The following ARHGAP24 variants were observed in gnomAD, a reference collection of about 807,000 sequenced individuals.
The protein encoded by ARHGAP24 is rho GTPase-activating protein 24.
In ARHGAP24, 50 loss-of-function variants were observed where a neutral mutation model predicts 76.4. The ratio of observed to expected loss-of-function variants is 0.65; its 90% confidence interval spans 0.52 to 0.83. The LOEUF (loss-of-function observed/expected upper bound fraction) is 0.83, where lower values mean the gene tolerates loss of function less well. Among genes scored for constraint, ARHGAP24 ranks in the 40% least tolerant of loss-of-function variants. The probability of loss-of-function intolerance (pLI) is 0.00; values close to 1 mark genes in which losing one functional copy is unlikely to be tolerated. For missense variants in ARHGAP24, 930 were observed against 914.2 expected (o/e 1.02, Z -0.22); for synonymous variants, 345 against 323.3 (o/e 1.07, Z -0.72).
intron 2 of ARHGAP24, among the ~76,000 whole-genome samples, chr4:85,705,844 A>G (rs1294574378): frequency 2.0e-5 from 3 of 152,194 alleles, no homozygotes; most frequent in Non-Finnish European, 4.4e-5. Flanking sequence ...TGTAACAGTT[A>G]TAGTGACAAA....
intron 3 of ARHGAP24, among the ~76,000 whole-genome samples, chr4:85,747,510 T>C (rs1469290042): frequency 6.6e-6 from 1 of 152,184 alleles, no homozygotes; most frequent in African/African-American, 2.4e-5. Context: ...GAGACCATCC[T>C]GGCTAACGCG....
At chr4:85,485,396 T>A (rs1194078535) in intron 1 of ARHGAP24, among the ~76,000 whole-genome samples, 1 of 111,224 alleles carries the variant, frequency 9.0e-6, no homozygotes, top group Non-Finnish European at 1.7e-5. Context: ...TATATATATA[T>A]ATATATATAT....
intron 3 of ARHGAP24, among the ~76,000 whole-genome samples, chr4:85,867,646 A>G (rs997679114): frequency 6.6e-6 from 1 of 151,862 alleles, no homozygotes; most frequent in African/African-American, 2.4e-5. Context: ...AATAGTGCCC[A>G]GAAATATCAG....
chr4:85,982,948 G>A (rs1465317721), intron 8 of ARHGAP24, among the ~76,000 whole-genome samples: 1 of 152,044 alleles, frequency 6.6e-6, no homozygotes, highest in Non-Finnish European at 1.5e-5. Context: ...AAACACCAGT[G>A]TGTGTTGTTC....
intron 2 of ARHGAP24, among the ~76,000 whole-genome samples, chr4:85,618,791 C>T (rs911604077): frequency 3.3e-5 from 5 of 152,046 alleles, no homozygotes; most frequent in African/African-American, 1.2e-4. Context: ...TGTGAAATGT[C>T]TATTCAAGTT....
intron 3 of ARHGAP24, among the ~76,000 whole-genome samples, chr4:85,841,065 G>GACCT (rs1730570945): frequency 6.6e-6 from 1 of 152,150 alleles, no homozygotes; most frequent in South Asian, 2.1e-4. Context: ...TTCCATTTTA[G>GACCT]ACCTACCTAT....
At chr4:85,770,961 A>G (rs911331901) in intron 3 of ARHGAP24, among the ~76,000 whole-genome samples, 1 of 152,232 alleles carries the variant, frequency 6.6e-6, no homozygotes, top group African/African-American at 2.4e-5. Context: ...ACTAATGGTT[A>G]CATTGAACAC....
intron 1 of ARHGAP24, among the ~76,000 whole-genome samples, chr4:85,567,238 A>G (rs768210704): frequency 9.9e-5 from 15 of 152,206 alleles, no homozygotes; most frequent in Non-Finnish European, 1.2e-4. Context: ...ATGTGTGAGC[A>G]TGTACCTGTG....
chr4:85,739,490 TC>T (rs1725736487), intron 3 of ARHGAP24, among the ~76,000 whole-genome samples: 1 of 152,328 alleles, frequency 6.6e-6, no homozygotes, highest in African/African-American at 2.4e-5. Context: ...CTGCACTTAA[TC>T]CTTCTAGAAT....
intron 3 of ARHGAP24, among the ~76,000 whole-genome samples, chr4:85,859,631 T>C (rs768892190): frequency 1.3e-5 from 2 of 152,150 alleles, no homozygotes; most frequent in Non-Finnish European, 2.9e-5. Context: ...CCCATGCTAA[T>C]AGCTACTGTT....
chr4:85,648,181 T>C (rs1358800626), intron 2 of ARHGAP24, among the ~76,000 whole-genome samples: 1 of 152,148 alleles, frequency 6.6e-6, no homozygotes, highest in African/African-American at 2.4e-5. Flanking sequence ...TGGAAACTCC[T>C]GATCCTACGC....
chr4:85,950,696 G>A (rs544279023), intron 5 of ARHGAP24, among the ~76,000 whole-genome samples: 1 of 138,468 alleles, frequency 7.2e-6, no homozygotes, highest in Non-Finnish European at 1.5e-5. Flanking sequence ...TTTTTTTTAA[G>A]AGTCTCCCTC....
At chr4:85,502,052 T>C (rs989349907) in intron 1 of ARHGAP24, among the ~76,000 whole-genome samples, 3 of 152,214 alleles carry the variant, frequency 2.0e-5, no homozygotes, top group Non-Finnish European at 2.9e-5. Context: ...GTGATATTTA[T>C]GAGGCCTCTG....
chr4:85,775,130 A>G lies in ARHGAP24; in HGVS notation c.268+53158A>G, dbSNP rs1271744978. On this transcript the variant is annotated intron_variant, in intron 3 of 9. Coordinates refer to ENST00000395184, the MANE Select transcript of ARHGAP24 (RefSeq NM_001025616.3). Reference sequence around the variant, plus strand: ...TCAGACATGGAAAGGGCTATGAAAGAAAATTAAAATGGGGAAATGGGATAG... The same window carrying G: ...TCAGACATGGAAAGGGCTATGAAAGGAAATTAAAATGGGGAAATGGGATAG... Among the ~76,000 whole-genome samples, 3 of 152,206 alleles carry G rather than the reference A, an allele frequency of 2.0e-5. No homozygotes were observed. In the East Asian group the frequency reaches 5.8e-4, roughly 29 times the overall value.
chr4:85,995,078 A>G lies in ARHGAP24; in HGVS notation c.1424A>G (p.His475Arg), dbSNP rs374204184. 2.5e-6 allele frequency: 4 copies of G among 1,613,964 alleles called. No homozygotes were observed. Among genetic ancestry groups the G allele is most frequent in the Admixed American group, 1.7e-5 (1 of 59,992 alleles). Residue 475 changes from histidine (H) to arginine (R), a missense_variant, in exon 9 of 10, where the codon CAC becomes CGC. His to Arg is a conservative substitution (Grantham distance 29). Transcript: ENST00000395184. ...LKVSGTKMGTHSVQNGTVRMG... is the reference protein window; with the variant it reads ...LKVSGTKMGTRSVQNGTVRMG... ...GTATCTGGTACCAAAATGGGCACGC[A>G]CAGTGTACAGAATGGAACGGTGCGC...
intron 3 of ARHGAP24, among the ~76,000 whole-genome samples, chr4:85,919,380 A>G (rs1735593386): frequency 6.6e-6 from 1 of 152,220 alleles, no homozygotes; most frequent in African/African-American, 2.4e-5. Flanking sequence ...ACTTTCAGTT[A>G]GAAATCACCT....
chr4:85,728,304 C>G (rs559557336), intron 3 of ARHGAP24, among the ~76,000 whole-genome samples: 2 of 151,106 alleles, frequency 1.3e-5, no homozygotes, highest in Non-Finnish European at 2.9e-5. Context: ...CAGAGATTCC[C>G]TAAAATGCAA....
At chr4:85,744,151 G>A (rs1475959973) in intron 3 of ARHGAP24, among the ~76,000 whole-genome samples, 1 of 152,186 alleles carries the variant, frequency 6.6e-6, no homozygotes, top group African/African-American at 2.4e-5. Context: ...TATGAATTCA[G>A]CTTTGTCCAA....
chr4:85,882,488 T>C (rs543582464), intron 3 of ARHGAP24, among the ~76,000 whole-genome samples: 1 of 152,320 alleles, frequency 6.6e-6, no homozygotes, highest in Non-Finnish European at 1.5e-5. Context: ...CCGGCTCTGC[T>C]ATTAGCTTGT....
Sources: gnomAD v4.1 joint callset for allele counts (sites outside exome capture counted in the v4.1 genomes callset) on GRCh38, gnomAD v4.1.1 for gene constraint, MANE v1.5 for transcripts, NCBI Gene and HGNC (gene_info 2026-07-23, HGNC 2026-07-21) for gene names.